The following BRINP3 variants were observed in gnomAD, a reference collection of about 807,000 sequenced individuals.
BRINP3 encodes BMP/retinoic acid-inducible neural-specific protein 3.
A neutral mutation model predicts 71.0 loss-of-function variants in BRINP3; 19 were observed. The ratio of observed to expected loss-of-function variants is 0.27; its 90% confidence interval spans 0.19 to 0.39. The LOEUF is 0.39. BRINP3 is among the 10% of genes least tolerant of loss of function. The probability of loss-of-function intolerance (pLI) is 1.00; values close to 1 mark genes in which losing one functional copy is unlikely to be tolerated. For missense variants in BRINP3, 959 were observed against 940.8 expected, an observed-to-expected ratio of 1.02 and a Z score of -0.25; for synonymous variants, 380 against 337.7, an observed-to-expected ratio of 1.13 and a Z score of -1.37.
chr1:190,196,269 G>C (rs967872123), intron 6 of BRINP3, among the ~76,000 whole-genome samples: 1 of 152,086 alleles, frequency 6.6e-6, no homozygotes, highest in Non-Finnish European at 1.5e-5. Flanking sequence ...TTCTGCATTT[G>C]GAGTACAATC....
intron 6 of BRINP3, among the ~76,000 whole-genome samples, chr1:190,184,171 A>G (rs1473201893): frequency 3.3e-5 from 5 of 152,156 alleles, no homozygotes; most frequent in African/African-American, 1.2e-4. Flanking sequence ...TGCACTTCTT[A>G]AAGTCTCATG....
chr1:190,474,052 A>G (rs1473082208), intron 1 of BRINP3, among the ~76,000 whole-genome samples: 1 of 152,168 alleles, frequency 6.6e-6, no homozygotes, highest in South Asian at 2.1e-4. Context: ...GGACCTTAAG[A>G]AGAAGCAATG....
rs773994725 is a variant in BRINP3 at position 190,098,113 on chromosome 1, T to C, written c.2206A>G (p.Thr736Ala). The change falls in exon 8 of 8, where the codon ACT becomes GCT. Residue 736 changes from threonine (T) to alanine (A), a missense_variant. By Grantham distance (58) the Thr-to-Ala change is moderately conservative (BLOSUM62 0). Transcript: ENST00000367462. Reference sequence around the variant, plus strand: ...GATTGGATCCTCACCACCTCACTAGTAGACAGCTTGAGTCTATGACGAAGC... The same window carrying C: ...GATTGGATCCTCACCACCTCACTAGCAGACAGCTTGAGTCTATGACGAAGC... The part of the protein sequence containing the change: ...CLLRHRLKLS[T>A]SEVVRIQSAL... 5.0e-6 allele frequency: 8 copies of C among 1,614,144 alleles called. No homozygotes were observed. Among genetic ancestry groups the C allele is most frequent in the Non-Finnish European group, 6.8e-6 (8 of 1,180,022 alleles).
chr1:190,302,249 T>G (rs1019157290), intron 2 of BRINP3, among the ~76,000 whole-genome samples: 3 of 147,570 alleles, frequency 2.0e-5, no homozygotes, highest in Admixed American at 6.8e-5. Context: ...ATACATAAAT[T>G]TATATATATA....
intron 1 of BRINP3, among the ~76,000 whole-genome samples, chr1:190,473,471 T>C (rs957159411): frequency 9.2e-5 from 14 of 151,668 alleles, no homozygotes; most frequent in African/African-American, 3.4e-4. Flanking sequence ...AATAATACAA[T>C]TTCTTAGAGA....
intron 6 of BRINP3, among the ~76,000 whole-genome samples, chr1:190,209,684 T>C (rs1655817799): frequency 6.6e-6 from 1 of 152,142 alleles, no homozygotes; most frequent in Non-Finnish European, 1.5e-5. Flanking sequence ...AGAGATCTGA[T>C]AATCAAATAG....
chr1:190,144,423 G>A (rs1483722788), intron 7 of BRINP3, among the ~76,000 whole-genome samples: 1 of 151,904 alleles, frequency 6.6e-6, no homozygotes, highest in African/African-American at 2.4e-5. Flanking sequence ...CAACTGTGTA[G>A]TCTCATCTGG....
intron 2 of BRINP3, among the ~76,000 whole-genome samples, chr1:190,349,067 A>G (rs1668204714): frequency 6.6e-6 from 1 of 152,146 alleles, no homozygotes; most frequent in Non-Finnish European, 1.5e-5. Flanking sequence ...ATGAGATGGT[A>G]TGTTGATCGG....
intron 2 of BRINP3, among the ~76,000 whole-genome samples, chr1:190,451,029 A>C (rs920070245): frequency 2.0e-5 from 3 of 152,096 alleles, no homozygotes; most frequent in Non-Finnish European, 4.4e-5. Context: ...CTATTCTCAA[A>C]TTGGAGCATT....
intron 2 of BRINP3, among the ~76,000 whole-genome samples, chr1:190,441,130 A>C (rs1381722553): frequency 2.0e-5 from 3 of 151,904 alleles, no homozygotes; most frequent in Admixed American, 6.6e-5. Context: ...ATAATCTCCT[A>C]ATAGAGAAGC....
intron 1 of BRINP3, among the ~76,000 whole-genome samples, chr1:190,472,951 C>A (rs1485439478): frequency 6.6e-6 from 1 of 151,538 alleles, no homozygotes; most frequent in Admixed American, 6.6e-5. Flanking sequence ...ATGTACATTT[C>A]TATGATGATG....
At chr1:190,162,729 T>G (rs1334455714) in intron 6 of BRINP3, among the ~76,000 whole-genome samples, 1 of 152,172 alleles carries the variant, frequency 6.6e-6, no homozygotes, top group East Asian at 1.9e-4. Context: ...TAAATTTTAT[T>G]GAAGATAAGG....
Position 190,283,803 on chromosome 1 carries a change from GTT to G in BRINP3, c.237-2055_237-2054del, listed in dbSNP as rs532277507. 4.7e-3 allele frequency among the ~76,000 whole-genome samples: 717 copies of G among 151,492 alleles called. 3 individuals carry two copies. Among genetic ancestry groups the G allele is most frequent in the Non-Finnish European group, 6.6e-3 (446 of 67,736 alleles). On this transcript the variant is annotated intron_variant, in intron 2 of 7. Transcript: ENST00000367462. ...TTTTTATACCATGATCAAAATAATA[GTT>G]GCTCATTAATTCCAAAATTTATAGG...
intron 6 of BRINP3, among the ~76,000 whole-genome samples, chr1:190,222,083 A>G (rs1656942753): frequency 6.6e-6 from 1 of 152,078 alleles, no homozygotes; most frequent in African/African-American, 2.4e-5. Context: ...GATGACATTA[A>G]CAAAACATTT....
At chr1:190,187,512 G>T (rs930018647) in intron 6 of BRINP3, among the ~76,000 whole-genome samples, 1 of 151,928 alleles carries the variant, frequency 6.6e-6, no homozygotes, top group Non-Finnish European at 1.5e-5. Context: ...CATAATTTGG[G>T]TCTTATATTT....
chr1:190,113,427 C>A (rs575404498), intron 7 of BRINP3, among the ~76,000 whole-genome samples: 1 of 152,244 alleles, frequency 6.6e-6, no homozygotes, highest in South Asian at 2.1e-4. Flanking sequence ...AACAACTTGT[C>A]AGTACCATTG....
intron 7 of BRINP3, among the ~76,000 whole-genome samples, chr1:190,103,478 GCC>G (rs1414048739): frequency 6.6e-6 from 1 of 151,922 alleles, no homozygotes; most frequent in Admixed American, 6.6e-5. Flanking sequence ...AAGTTCCTGG[GCC>G]CCATCCCAGA....
chr1:190,239,379 G>A (rs1465153508), intron 4 of BRINP3, among the ~76,000 whole-genome samples: 1 of 151,978 alleles, frequency 6.6e-6, no homozygotes, highest in Non-Finnish European at 1.5e-5. Flanking sequence ...ATATATAAAT[G>A]TTTCAATATT....
intron 2 of BRINP3, among the ~76,000 whole-genome samples, chr1:190,286,739 C>T (rs1663455733): frequency 1.3e-5 from 2 of 151,974 alleles, no homozygotes; most frequent in South Asian, 4.1e-4. Flanking sequence ...AATATATTAC[C>T]TAAGCATTCA....
Sources: allele counts gnomAD v4.1 joint callset (sites outside exome capture counted in the v4.1 genomes callset), GRCh38; gene constraint gnomAD v4.1.1; transcripts MANE v1.5; gene names NCBI Gene and HGNC (gene_info 2026-07-23, HGNC 2026-07-21).